Variants in MAP1A observed in about 807,000 individuals in gnomAD.
The protein encoded by MAP1A is microtubule-associated protein 1A.
A neutral mutation model predicts 185.9 loss-of-function variants in MAP1A; 42 were observed. The ratio of observed to expected loss-of-function variants is 0.23; its 90% CI spans 0.18 to 0.29. MAP1A has a LOEUF of 0.29. Ranked by LOEUF, MAP1A falls within the 10% of genes least tolerant of loss-of-function variation. MAP1A has a pLI of 1.00. For synonymous variants in MAP1A, 1,229 were observed against 1,335.9 expected (o/e 0.92, Z 1.74); for missense variants, 2,995 against 3,450.4 (o/e 0.87, Z 3.31).
At position 43,527,121 on chromosome 15, in the gene MAP1A, A is replaced by G; in HGVS notation, c.5648A>G (p.Tyr1883Cys). ...PAPFSWGTAE[Y>C]DSVVAAVQEG... ...CCCTTCTCTTGGGGCACAGCCGAGT[A>G]TGACAGTGTGGTGGCTGCAGTGCAG... is the stretch of plus-strand genomic sequence containing the variant. The change falls in exon 4 of 6, where the codon TAT becomes TGT. Residue 1883 changes from tyrosine (Y) to cysteine (C), a missense_variant. Around this residue, in one of 3 missense-constraint regions of MAP1A, gnomAD observed 2,728 missense variants for 2,986.0 expected, o/e 0.91. Coordinates refer to ENST00000300231, the MANE Select transcript of MAP1A (RefSeq NM_002373.6). 1 of 1,607,450 alleles carries G rather than the reference A, an allele frequency of 6.2e-7. No homozygotes were observed. Among genetic ancestry groups the G allele is most frequent in the African/African-American group, 1.3e-5 (1 of 74,918 alleles).
chr15:43,529,512 A>C lies in MAP1A; in HGVS notation c.8035+4A>C. ...AATGGACTCAAGGCAGGACCAAGTAAGTATATCATGAAACTTGGCAGAGAG... is the reference window on the plus strand; with the variant it reads ...AATGGACTCAAGGCAGGACCAAGTACGTATATCATGAAACTTGGCAGAGAG... On this transcript the variant is annotated splice_donor_region_variant and intron_variant, in intron 4 of 5. Transcript: ENST00000300231. This position sits in a 1 kb window ranked among gnomAD's most constrained non-coding sequence, Gnocchi z 4.3. The C allele has an allele frequency of 6.2e-7, 1 of 1,602,122 alleles. No individual in the cohort carries two copies. Among genetic ancestry groups the C allele is most frequent in the Non-Finnish European group, 8.5e-7 (1 of 1,172,460 alleles).
chr15:43,516,205 A>T (rs982137042), upstream of MAP1A, among the ~76,000 whole-genome samples: 3 of 152,056 alleles, frequency 2.0e-5, no homozygotes, highest in African/African-American at 7.2e-5. Context: ...ATCTCTGCAG[A>T]TGGCCGCTTC....
chr15:43,512,154 A>G (rs1595643351), intron 1 of MAP1A: 2 of 1,301,390 alleles, frequency 1.5e-6, no homozygotes, highest in Admixed American at 2.0e-5. Context: ...ACAACCTGCA[A>G]CCTTATCCAG....
In MAP1A at chr15:43,526,626, G is replaced by A. The variant is rs867219220; in HGVS notation, c.5153G>A (p.Arg1718His). 3.1e-6 allele frequency: 5 copies of A among 1,614,090 alleles called. No homozygotes were observed. Among genetic ancestry groups the A allele is most frequent in the South Asian group, 1.1e-5 (1 of 91,086 alleles). ...CACGAGCTGGATGGCCAGGGGGCCC[G>A]CCCACACTACACTGAGGAACGGGAA... ...FPHELDGQGA[R>H]PHYTEEREST... The change falls in exon 4 of 6, where the codon CGC becomes CAC. Residue 1718 changes from arginine (R) to histidine (H), a missense_variant. Arg to His is a conservative substitution (Grantham distance 29). Coordinates refer to ENST00000300231, the MANE Select transcript of MAP1A (RefSeq NM_002373.6). The surrounding 1 kb of genome is among the most constrained non-coding windows in gnomAD (Gnocchi z 4.7).
At chr15:43,512,914 T>C (rs1452891973), upstream of MAP1A, among the ~76,000 whole-genome samples, 4 of 152,216 alleles carry the variant, frequency 2.6e-5, no homozygotes, top group African/African-American at 9.6e-5. Flanking sequence ...CATAATGCAG[T>C]TTCCCATTCT....
In MAP1A at chr15:43,521,723, T is replaced by G. The variant is rs1267684877; in HGVS notation, c.250T>G (p.Ser84Ala). The G allele has an allele frequency of 6.2e-7, 1 of 1,614,218 alleles. No homozygotes were observed. The highest frequency in any genetic ancestry group is 1.7e-5 in the Admixed American group (1 of 60,030). The change falls in exon 4 of 6, where the codon TCG becomes GCG. Residue 84 changes from serine to alanine, a missense_variant. Around this residue, in one of 3 missense-constraint regions of MAP1A, gnomAD observed 264 missense variants for 435.3 expected, o/e 0.61. Coordinates refer to ENST00000300231, the MANE Select transcript of MAP1A (RefSeq NM_002373.6). This position sits in a 1 kb window ranked among gnomAD's most constrained non-coding sequence, Gnocchi z 4.6. ...GGTACGGCACTTGGACCGCATTGAC[T>G]CGGTGCTACTCACACACATTGGGGC... ...KLVRHLDRID[S>A]VLLTHIGADN... is the part of the protein sequence containing the mutation.
At position 43,522,869 on chromosome 15, in the gene MAP1A, C is replaced by T; in HGVS notation, c.1396C>T (p.Pro466Ser). 6.2e-7 allele frequency: 1 copy of T among 1,609,364 alleles called. No homozygotes were observed. Among genetic ancestry groups the T allele is most frequent in the Non-Finnish European group, 8.5e-7 (1 of 1,177,600 alleles). The change falls in exon 4 of 6, where the codon CCC (proline) becomes TCC (serine). Residue 466 changes from proline (P) to serine (S), a missense_variant. Pro to Ser is a moderately conservative substitution (Grantham distance 74). Coordinates refer to ENST00000300231, the MANE Select transcript of MAP1A (RefSeq NM_002373.6). This position sits in a 1 kb window ranked among gnomAD's most constrained non-coding sequence, Gnocchi z 5.9. ...LKKISKPDLKPFTPEVRKTLY... is the reference protein window; with the variant it reads ...LKKISKPDLKSFTPEVRKTLY... ...GAAGATTTCCAAGCCAGACCTAAAG[C>T]CCTTTACTCCTGAGGTACGTAAGAC...
chr15:43,524,516 G>T lies in MAP1A; in HGVS notation c.3043G>T (p.Val1015Leu). The T allele has an allele frequency of 1.9e-6, 3 of 1,614,160 alleles. No homozygotes were observed. In the Middle Eastern group the frequency reaches 4.9e-4, roughly 266 times the overall value. ...CCACACACCCTTTCATCAGTCCCCA[G>T]TGGAAGAAAAGTCTGAGCCCCAAGA... Reference protein sequence around the residue: ...ATHTPFHQSPVEEKSEPQDFQ... With the variant: ...ATHTPFHQSPLEEKSEPQDFQ... The change falls in exon 4 of 6, where the codon GTG becomes TTG. Residue 1015 changes from valine (V) to leucine (L), a missense_variant. Val to Leu is a conservative substitution (Grantham distance 32). Around this residue, in one of 3 missense-constraint regions of MAP1A, gnomAD observed 2,728 missense variants for 2,986.0 expected, o/e 0.91. Coordinates refer to ENST00000300231, the MANE Select transcript of MAP1A (RefSeq NM_002373.6).
At chr15:43,513,737 T>C (rs1345974413), upstream of MAP1A, among the ~76,000 whole-genome samples, 3 of 152,252 alleles carry the variant, frequency 2.0e-5, no homozygotes, top group Non-Finnish European at 2.9e-5. Flanking sequence ...CTCACTCTTT[T>C]GAGAATGTTT....
At chr15:43,520,754 G>A in intron 2 of MAP1A, 31 bp downstream of exon 2, 5 of 1,508,996 alleles carry the variant, frequency 3.3e-6, no homozygotes, top group Non-Finnish European at 4.5e-6. Context: ...TTGCCAAACA[G>A]GCCTGGTGCA....
At position 43,528,007 on chromosome 15, in the gene MAP1A, A is replaced by C. The variant is rs2079353401; in HGVS notation, c.6534A>C (p.Pro2178=). ...TCTCCTCATTGCAGCCAGCTCCCCCACAGCTGCCCTCTCCAGCTGAACCCC... is the reference window on the plus strand; with the variant it reads ...TCTCCTCATTGCAGCCAGCTCCCCCCCAGCTGCCCTCTCCAGCTGAACCCC... ...FGFSSLQPAP[P]QLPSPAEPRS... Residue 2178 remains proline, a synonymous_variant, in exon 4 of 6, where the codon CCA becomes CCC. Transcript: ENST00000300231. 4 of 1,613,370 alleles carry C rather than the reference A, an allele frequency of 2.5e-6. No homozygotes were observed. The highest frequency in any genetic ancestry group is 1.7e-5 in the Admixed American group (1 of 59,958).
chr15:43,513,667 T>C (rs2079289548), upstream of MAP1A, among the ~76,000 whole-genome samples: 1 of 152,262 alleles, frequency 6.6e-6, no homozygotes, highest in Non-Finnish European at 1.5e-5. Flanking sequence ...AGCAATTTTA[T>C]ATTAATATAT....
intron 1 of MAP1A, among the ~76,000 whole-genome samples, chr15:43,517,917 C>A (rs2079304271): frequency 6.6e-6 from 1 of 152,168 alleles, no homozygotes; most frequent in Non-Finnish European, 1.5e-5. Context: ...TGTGACAGTC[C>A]ACCTCTCCAG....
rs2079366686 is a variant in MAP1A, at chr15:43,530,305, G to C, written c.*81G>C. On this transcript the variant is annotated 3_prime_UTR_variant, in exon 6 of 6. Coordinates refer to ENST00000300231, the MANE Select transcript of MAP1A (RefSeq NM_002373.6). ...CTACTGCTGAGTCCTTTGGGGTTGA[G>C]GGAGATGGGAGCTAGGGGGAGGGGA... 3 of 1,547,822 alleles carry C rather than the reference G, an allele frequency of 1.9e-6. No individual in the cohort carries two copies. The South Asian group carries it at 3.6e-5, about 19-fold the overall frequency.
upstream of MAP1A, among the ~76,000 whole-genome samples, chr15:43,516,706 G>C (rs2079298696): frequency 6.6e-6 from 1 of 152,176 alleles, no homozygotes; most frequent in African/African-American, 2.4e-5. Context: ...AAGAGACAAG[G>C]AGAGAGCAAG....
chr15:43,521,566 C>T lies in MAP1A; in HGVS notation c.93C>T (p.Gly31=), dbSNP rs1192130393. ...FDLLEPPTSG[G]FLKLSKPCCY... The stretch of plus-strand genomic sequence containing the variant: ...TACTAGAGCCCCCCACCTCAGGGGG[C>T]TTCCTCAAGCTCTCCAAGCCTTGTT... The change falls in exon 4 of 6, where the codon GGC becomes GGT. Residue 31 remains glycine (G), a synonymous_variant. Coordinates refer to ENST00000300231, the MANE Select transcript of MAP1A (RefSeq NM_002373.6). This position sits in a 1 kb window ranked among gnomAD's most constrained non-coding sequence, Gnocchi z 4.6. 6.2e-7 allele frequency: 1 copy of T among 1,614,146 alleles called. No homozygotes were observed. Among genetic ancestry groups the T allele is most frequent in the Admixed American group, 1.7e-5 (1 of 60,026 alleles).
chr15:43,520,704 C>G lies in MAP1A; in HGVS notation c.-311C>G. On this transcript the variant is annotated 5_prime_UTR_variant, in exon 2 of 6. Transcript: ENST00000300231. ...ACCATCATCCTGGTAAATCCCAGTGCAGACAGCATCAGCTCTGAGGTAAGG... is the reference window on the plus strand; with the variant it reads ...ACCATCATCCTGGTAAATCCCAGTGGAGACAGCATCAGCTCTGAGGTAAGG... The G allele has an allele frequency of 6.5e-7, 1 of 1,550,012 alleles. No individual in the cohort carries two copies. Among genetic ancestry groups the G allele is most frequent in the Admixed American group, 2.0e-5 (1 of 51,000 alleles).
Position 43,528,274 on chromosome 15 carries a change from G to A in MAP1A, c.6801G>A (p.Val2267=). The A allele has an allele frequency of 6.2e-7, 1 of 1,614,080 alleles. No homozygotes were observed. Among genetic ancestry groups the A allele is most frequent in the Admixed American group, 1.7e-5 (1 of 60,032 alleles). Residue 2267 remains valine (V), a synonymous_variant, in exon 4 of 6, where the codon GTG becomes GTA. Coordinates refer to ENST00000300231, the MANE Select transcript of MAP1A (RefSeq NM_002373.6). The part of the protein sequence containing the change: ...EGSSSEATTP[V]ISSVAERFSP... ...CCTCCTCTGAGGCTACCACGCCTGT[G>A]ATTTCAAGTGTGGCGGAGCGCTTCT...
upstream of MAP1A, among the ~76,000 whole-genome samples, chr15:43,516,755 A>G (rs1488891467): frequency 2.6e-5 from 4 of 152,348 alleles, no homozygotes; most frequent in Non-Finnish European, 5.9e-5. Context: ...GGGTTTTTTT[A>G]ATCTAAAGAG....
Sources: allele counts gnomAD v4.1 joint callset (sites outside exome capture counted in the v4.1 genomes callset), GRCh38; gene constraint gnomAD v4.1.1; regional missense constraint gnomAD v4.1.1; non-coding constraint Gnocchi (gnomAD v3.1); transcripts MANE v1.5; gene names NCBI Gene and HGNC (gene_info 2026-07-23, HGNC 2026-07-21).